Variants in CHST8 observed in about 807,000 individuals in gnomAD.
CHST8 encodes the protein carbohydrate sulfotransferase 8, also known as GALNAC-4-ST1.
A neutral mutation model predicts 15.0 loss-of-function variants in CHST8; 10 were observed. The ratio of observed to expected loss-of-function variants is 0.67; its 90% CI spans 0.41 to 1.13. CHST8 has a LOEUF of 1.13. CHST8 is among the 50% of genes most tolerant of loss of function. The pLI is 0.00. For synonymous variants in CHST8, 259 were observed against 256.6 expected, an observed-to-expected ratio of 1.01 and a Z score of -0.09; for missense variants, 634 against 608.2, an observed-to-expected ratio of 1.04 and a Z score of -0.45.
intron 3 of CHST8, among the ~76,000 whole-genome samples, chr19:33,768,532 A>G (rs1192804864): frequency 6.6e-6 from 1 of 152,026 alleles, no homozygotes; most frequent in Non-Finnish European, 1.5e-5. Context: ...GCTCACTGCA[A>G]TCTCTGCCTC....
intron 3 of CHST8, among the ~76,000 whole-genome samples, chr19:33,758,925 G>T (rs368078887): frequency 2.6e-5 from 4 of 152,130 alleles, no homozygotes; most frequent in African/African-American, 4.8e-5. Flanking sequence ...TTCTTGGCGG[G>T]GGGGGGCGGT....
chr19:33,666,318 A>G (rs1009949509), intron 1 of CHST8, among the ~76,000 whole-genome samples: 3 of 152,162 alleles, frequency 2.0e-5, no homozygotes, highest in African/African-American at 7.2e-5. Context: ...CCCTGCAAAT[A>G]GATGTGGCAG....
At chr19:33,764,755 G>T (rs1305533801) in intron 3 of CHST8, among the ~76,000 whole-genome samples, 1 of 152,058 alleles carries the variant, frequency 6.6e-6, no homozygotes, top group Non-Finnish European at 1.5e-5. Flanking sequence ...AAGTTCTTTA[G>T]TTAGCGGTGA....
chr19:33,636,216 C>A (rs1449373216), intron 1 of CHST8, among the ~76,000 whole-genome samples: 1 of 152,006 alleles, frequency 6.6e-6, no homozygotes, highest in Non-Finnish European at 1.5e-5. Context: ...ACCTGTGCAT[C>A]GCGCCAATTT....
chr19:33,710,976 C>T (rs185399425), intron 3 of CHST8, among the ~76,000 whole-genome samples: 111 of 151,602 alleles, frequency 7.3e-4, no homozygotes, highest in East Asian at 1.9e-4. Flanking sequence ...TGAGCTCAGG[C>T]GATCCTCCCT....
At position 33,773,050 on chromosome 19, in the gene CHST8, C is replaced by G. The variant is rs1975045188; in HGVS notation, c.1262C>G (p.Ala421Gly). Residue 421 changes from alanine to glycine, a missense_variant, in exon 5 of 5, where the codon GCA (alanine) becomes GGA (glycine). Ala to Gly is a moderately conservative substitution (Grantham distance 60, BLOSUM62 0). Coordinates refer to ENST00000650847, the MANE Select transcript of CHST8 (RefSeq NM_001127895.2). ...ATGTTCAACTATTCCAAGCCCTTTG[C>G]AGATCTGTACTGAGGGGCGCCGCAG... is the stretch of plus-strand genomic sequence containing the variant. ...YLMFNYSKPF[A>G]DLY is the part of the protein sequence containing the mutation. 1 of 1,605,288 alleles carries G rather than the reference C, an allele frequency of 6.2e-7. No homozygotes were observed. The highest frequency in any genetic ancestry group is 1.3e-5 in the African/African-American group (1 of 74,938).
intron 2 of CHST8, among the ~76,000 whole-genome samples, chr19:33,673,395 C>T (rs1164899175): frequency 1.3e-5 from 2 of 152,164 alleles, no homozygotes; most frequent in Admixed American, 6.5e-5. Flanking sequence ...CAGACGTTGG[C>T]GGGGACCTAA....
At chr19:33,702,433 G>A (rs1599566469) in intron 3 of CHST8, among the ~76,000 whole-genome samples, 1 of 152,304 alleles carries the variant, frequency 6.6e-6, no homozygotes, top group African/African-American at 2.4e-5. Flanking sequence ...GACATTTCTT[G>A]CCAACACCCA....
chr19:33,691,548 G>C (rs939281627), intron 3 of CHST8, among the ~76,000 whole-genome samples: 1 of 151,928 alleles, frequency 6.6e-6, no homozygotes, highest in African/African-American at 2.4e-5. Context: ...ATTGTGATTC[G>C]GTACCAAGAA....
At chr19:33,725,079 G>A (rs530812329) in intron 3 of CHST8, among the ~76,000 whole-genome samples, 2 of 152,150 alleles carry the variant, frequency 1.3e-5, no homozygotes, top group African/African-American at 2.4e-5. Flanking sequence ...ATCGGGGGGC[G>A]CTGTTATGAG....
At chr19:33,696,689 C>T (rs1973223213) in intron 3 of CHST8, among the ~76,000 whole-genome samples, 1 of 151,992 alleles carries the variant, frequency 6.6e-6, no homozygotes, top group Non-Finnish European at 1.5e-5. Context: ...TTGTCTTCCA[C>T]GAAACTGGTT....
chr19:33,702,822 G>A (rs1878459), intron 3 of CHST8, among the ~76,000 whole-genome samples: 17,850 of 152,286 alleles, frequency 0.12, 1,092 homozygotes, highest in Middle Eastern at 0.18. Flanking sequence ...AGGGACCGGG[G>A]GAGGAGGAAG....
At chr19:33,657,960 GAA>G (rs1237899297) in intron 1 of CHST8, among the ~76,000 whole-genome samples, 1 of 152,174 alleles carries the variant, frequency 6.6e-6, no homozygotes, top group African/African-American at 2.4e-5. Context: ...TTGCATACCA[GAA>G]CTGTACACTG....
Position 33,772,518 on chromosome 19 carries a change from A to G in CHST8, c.730A>G (p.Ile244Val), listed in dbSNP as rs1439603739. 6 of 1,613,848 alleles carry G rather than the reference A, an allele frequency of 3.7e-6. No homozygotes were observed. The highest frequency in any genetic ancestry group is 5.1e-6 in the Non-Finnish European group (6 of 1,180,010). ...KRLDTFDRQGILHRLSTYTKM... is the reference protein window; with the variant it reads ...KRLDTFDRQGVLHRLSTYTKM... Reference sequence around the variant, plus strand: ...CCTGGACACCTTCGACCGCCAGGGTATCTTGCACCGTCTCAGCACCTACAC... The same window carrying G: ...CCTGGACACCTTCGACCGCCAGGGTGTCTTGCACCGTCTCAGCACCTACAC... The change falls in exon 5 of 5, where the codon ATC becomes GTC. Residue 244 changes from isoleucine (I) to valine (V), a missense_variant. By Grantham distance (29) the Ile-to-Val change is conservative. Coordinates refer to ENST00000650847, the MANE Select transcript of CHST8 (RefSeq NM_001127895.2).
At position 33,676,613 on chromosome 19, in the gene CHST8, C is replaced by T. The variant is rs144994828; in HGVS notation, c.-87+8770C>T. Among the ~76,000 whole-genome samples, 329 of 152,138 alleles carry T rather than the reference C, an allele frequency of 2.2e-3. 2 individuals carry two copies. Among genetic ancestry groups the T allele is most frequent in the African/African-American group, 7.6e-3 (317 of 41,508 alleles). Reference sequence around the variant, plus strand: ...ATTTTTGCCCCGGTGTGATGGCTTACGCCTGTCATTCCAGCACTTTAGGAG... The same window carrying T: ...ATTTTTGCCCCGGTGTGATGGCTTATGCCTGTCATTCCAGCACTTTAGGAG... On this transcript the variant is annotated intron_variant, in intron 2 of 4. Transcript: ENST00000650847.
intron 3 of CHST8, among the ~76,000 whole-genome samples, chr19:33,723,131 C>T (rs1055332161): frequency 2.6e-5 from 4 of 152,142 alleles, no homozygotes; most frequent in South Asian, 2.1e-4. Flanking sequence ...AATGTGTGCA[C>T]GCCCTGGGTT....
chr19:33,655,197 T>C (rs1192163104), intron 1 of CHST8, among the ~76,000 whole-genome samples: 1 of 152,120 alleles, frequency 6.6e-6, no homozygotes, highest in Non-Finnish European at 1.5e-5. Flanking sequence ...TCACCATGCC[T>C]GGCTAATTTT....
chr19:33,632,578 G>A (rs534062111), intron 1 of CHST8, among the ~76,000 whole-genome samples: 6 of 152,190 alleles, frequency 3.9e-5, no homozygotes, highest in East Asian at 1.9e-4. Flanking sequence ...CAGATCCTAC[G>A]TATACAATGC....
intron 2 of CHST8, among the ~76,000 whole-genome samples, chr19:33,672,545 G>A (rs929563713): frequency 2.0e-5 from 3 of 152,162 alleles, no homozygotes; most frequent in Admixed American, 1.3e-4. Flanking sequence ...TCATGTCAGC[G>A]ACGGAAAGTG....
Sources: allele counts gnomAD v4.1 joint callset (sites outside exome capture counted in the v4.1 genomes callset), GRCh38; gene constraint gnomAD v4.1.1; transcripts MANE v1.5; gene names NCBI Gene and HGNC (gene_info 2026-07-23, HGNC 2026-07-21).